Variants in ZNF487 observed in about 807,000 individuals in gnomAD.
ZNF487 encodes KRAB domain only 1.
In ZNF487, 4 loss-of-function variants were observed where a neutral mutation model predicts 3.0. That is an observed-to-expected ratio of 1.35 (90% confidence interval 0.66 to 3.08). The LOEUF is 3.08. ZNF487 is among the 30% of genes most tolerant of loss of function. ZNF487 has a pLI of 0.01. For synonymous variants in ZNF487, 55 were observed against 34.6 expected (o/e 1.59, Z -2.06); for missense variants, 146 against 98.7 (o/e 1.48, Z -2.03).
chr10:43,480,366 AAAGT>A (rs2132153038), intron 3 of ZNF487, among the ~76,000 whole-genome samples: 1 of 150,834 alleles, frequency 6.6e-6, no homozygotes, highest in African/African-American at 2.4e-5. Context: ...TCAGCCTCCC[AAAGT>A]GCTGGGATTA....
chr10:43,485,895 C>T (rs1305358791), downstream of ZNF487, among the ~76,000 whole-genome samples: 2 of 151,824 alleles, frequency 1.3e-5, no homozygotes, highest in Admixed American at 6.6e-5. Flanking sequence ...ATTTTTTTTC[C>T]CCATTTAGGC....
the ZNF487 span, among the ~76,000 whole-genome samples, chr10:43,493,708 AAATATATATAT>A: frequency 0.092 from 4,058 of 43,878 alleles, 319 homozygotes; most frequent in East Asian, 0.17. Flanking sequence ...AAAAAAAAAA[AAATATATATAT>A]ATATATATAT....
At chr10:43,465,041 G>T (rs1398134800) in intron 1 of ZNF487, among the ~76,000 whole-genome samples, 2 of 91,946 alleles carry the variant, frequency 2.2e-5, no homozygotes, top group African/African-American at 7.7e-5. Context: ...CTGGCCGGGC[G>T]GGGGGCTGAC....
intron 1 of ZNF487, among the ~76,000 whole-genome samples, chr10:43,447,017 C>T (rs1740567360): frequency 6.6e-6 from 1 of 151,912 alleles, no homozygotes; most frequent in South Asian, 2.1e-4. Context: ...CACGGCGAAA[C>T]CCCGTCTCCA....
At chr10:43,520,815 A>G in the ZNF487 span, among the ~76,000 whole-genome samples, 2 of 152,204 alleles carry the variant, frequency 1.3e-5, no homozygotes, top group Non-Finnish European at 2.9e-5. Flanking sequence ...GTGGTTGGGG[A>G]TGAGCAATTA....
intron 1 of ZNF487, among the ~76,000 whole-genome samples, chr10:43,456,131 C>T (rs1254009239): frequency 1.3e-5 from 2 of 152,218 alleles, no homozygotes; most frequent in Non-Finnish European, 2.9e-5. Context: ...ACCGTCCAGC[C>T]AGTGTGTCCT....
downstream of ZNF487, among the ~76,000 whole-genome samples, chr10:43,488,112 AG>A (rs1301927638): frequency 3.2e-4 from 49 of 151,828 alleles, no homozygotes; most frequent in African/African-American, 1.0e-3. Flanking sequence ...AAAAAAAAAA[AG>A]AATTTCAAGA....
the ZNF487 span, among the ~76,000 whole-genome samples, chr10:43,491,519 G>A: frequency 6.6e-6 from 1 of 151,440 alleles, no homozygotes; most frequent in Non-Finnish European, 1.5e-5. Context: ...CTGAGCTCCA[G>A]AACCACTCAT....
chr10:43,482,585 T>C lies in ZNF487; in HGVS notation c.*663T>C. 1 of 508,760 alleles carries C rather than the reference T, an allele frequency of 2.0e-6. No individual in the cohort carries two copies. 31.5% of individuals were successfully genotyped at this position (508,760 alleles called of 1,614,324 possible). A position where few individuals can be genotyped will look rare whatever the true frequency, so the allele number is the denominator to read the frequency against. ...ACACAGGAGAGAAACCCTATGGATGTAATGAATGTCAGAAAGCCTTTGGTG... is the reference window on the plus strand; with the variant it reads ...ACACAGGAGAGAAACCCTATGGATGCAATGAATGTCAGAAAGCCTTTGGTG... On this transcript the variant is annotated 3_prime_UTR_variant, in exon 4 of 4. Transcript: ENST00000437590.
chr10:43,516,088 C>A, the ZNF487 span, among the ~76,000 whole-genome samples: 8 of 152,254 alleles, frequency 5.3e-5, no homozygotes, highest in East Asian at 1.5e-3. Flanking sequence ...CCTAGTTCAT[C>A]ATTTTCTTTC....
At chr10:43,459,545 CT>C (rs1305752043) in intron 1 of ZNF487, among the ~76,000 whole-genome samples, 1 of 151,800 alleles carries the variant, frequency 6.6e-6, no homozygotes. Context: ...TTTGCTGAGA[CT>C]TTTTATCATC....
chr10:43,458,639 G>C (rs1027040665), intron 1 of ZNF487, among the ~76,000 whole-genome samples: 1 of 152,116 alleles, frequency 6.6e-6, no homozygotes, highest in Admixed American at 6.6e-5. Context: ...TGGCATTGAA[G>C]TCTAAAAAAC....
At chr10:43,469,212 T>A in intron 1 of ZNF487, among the ~76,000 whole-genome samples, 1 of 152,036 alleles carries the variant, frequency 6.6e-6, no homozygotes, top group Non-Finnish European at 1.5e-5. Flanking sequence ...TACTTTATTT[T>A]TTGAGACATA....
At chr10:43,518,331 G>A in the ZNF487 span, among the ~76,000 whole-genome samples, 4 of 152,284 alleles carry the variant, frequency 2.6e-5, no homozygotes, top group African/African-American at 9.6e-5. Context: ...TCTGATTTAA[G>A]TTACAAAGGA....
the ZNF487 span, among the ~76,000 whole-genome samples, chr10:43,488,989 G>A: frequency 6.6e-6 from 1 of 151,672 alleles, no homozygotes; most frequent in South Asian, 2.1e-4. Flanking sequence ...TGGGTATGGT[G>A]GCCTATGCGT....
intron 1 of ZNF487, among the ~76,000 whole-genome samples, chr10:43,454,998 C>T (rs1039520139): frequency 2.3e-5 from 3 of 131,396 alleles, no homozygotes; most frequent in Admixed American, 7.7e-5. Flanking sequence ...TAGTCGTTTT[C>T]TTTTAGTTTG....
At chr10:43,462,399 CTTTTTTT>C (rs1220993383) in intron 1 of ZNF487, among the ~76,000 whole-genome samples, 1 of 148,202 alleles carries the variant, frequency 6.7e-6, no homozygotes. Flanking sequence ...TTTCTTTTTT[CTTTTTTT>C]AACAATTAAA....
chr10:43,518,678 A>G, the ZNF487 span, among the ~76,000 whole-genome samples: 19 of 152,264 alleles, frequency 1.2e-4, no homozygotes, highest in Non-Finnish European at 2.6e-4. Flanking sequence ...TTGTCCCATA[A>G]TAACATATCT....
At chr10:43,443,400 G>C (rs1839689200) in intron 1 of ZNF487, among the ~76,000 whole-genome samples, 1 of 141,556 alleles carries the variant, frequency 7.1e-6, no homozygotes, top group Non-Finnish European at 1.5e-5. Flanking sequence ...TTGAGATGGA[G>C]TCTTGCTCTG....
Sources: allele counts gnomAD v4.1 joint callset (sites outside exome capture counted in the v4.1 genomes callset), GRCh38; gene constraint gnomAD v4.1.1; transcripts MANE v1.5; gene names NCBI Gene and HGNC (gene_info 2026-07-23, HGNC 2026-07-21).